Variants in NAV1 observed in about 807,000 individuals in gnomAD.
The protein encoded by NAV1 is pore membrane and/or filament interacting like protein 3.
A neutral mutation model predicts 175.2 loss-of-function variants in NAV1; 18 were observed. The observed-to-expected ratio is 0.10, with a 90% CI of 0.07 to 0.15. The LOEUF is 0.15. NAV1 is among the 10% of genes least tolerant of loss of function. The pLI is 1.00. For synonymous variants in NAV1, 897 were observed against 978.7 expected (o/e 0.92, Z 1.56); for missense variants, 1,731 against 2,436.6 (o/e 0.71, Z 6.10).
rs748421605 is a variant in NAV1, at chr1:201,782,663, G to A, written c.2151G>A (p.Glu717=). Reference sequence around the variant, plus strand: ...GCCTTACGCCTTCCAGACTGAAGGAGCCTACCAAGGTAGCCAGTGGGCGGA... The same window carrying A: ...GCCTTACGCCTTCCAGACTGAAGGAACCTACCAAGGTAGCCAGTGGGCGGA... The change falls in exon 6 of 30, where the codon GAG becomes GAA. Residue 717 remains glutamate (E), a synonymous_variant. Transcript: ENST00000367296. The surrounding 1 kb of genome is among the most constrained non-coding windows in gnomAD (Gnocchi z 5.4). The A allele has an allele frequency of 6.2e-7, 1 of 1,614,154 alleles. No individual in the cohort carries two copies. The highest frequency in any genetic ancestry group is 1.7e-5 in the Admixed American group (1 of 60,018).
At chr1:201,715,160 T>C (rs897435823) in intron 2 of NAV1, among the ~76,000 whole-genome samples, 21 of 144,824 alleles carry the variant, frequency 1.5e-4, no homozygotes, top group Non-Finnish European at 3.0e-4. Context: ...TGACTTTTTA[T>C]GGCTCTTTTT....
At chr1:201,651,749 G>A (rs576221601) in intron 1 of NAV1, among the ~76,000 whole-genome samples, 6 of 152,180 alleles carry the variant, frequency 3.9e-5, no homozygotes, top group African/African-American at 1.4e-4. Flanking sequence ...TGGGCCACCA[G>A]AACTGCCTCG....
intron 3 of NAV1, among the ~76,000 whole-genome samples, chr1:201,720,678 C>G (rs1397421620): frequency 2.0e-5 from 3 of 152,250 alleles, no homozygotes; most frequent in Non-Finnish European, 4.4e-5. Context: ...ATGCAGATAA[C>G]AGTAGAACTT....
chr1:201,654,977 C>T (rs1023606397), intron 1 of NAV1, among the ~76,000 whole-genome samples: 2 of 152,202 alleles, frequency 1.3e-5, no homozygotes, highest in African/African-American at 4.8e-5. Flanking sequence ...AGCTAGCCTG[C>T]GTTTCCCAGG....
intron 3 of NAV1, among the ~76,000 whole-genome samples, chr1:201,747,584 C>T (rs1047406003): frequency 6.6e-6 from 1 of 152,050 alleles, no homozygotes; most frequent in Non-Finnish European, 1.5e-5. Flanking sequence ...AGACCCTGCT[C>T]CTATTTATTC....
chr1:201,737,688 CCT>C (rs1452904435), intron 3 of NAV1, among the ~76,000 whole-genome samples: 1 of 152,134 alleles, frequency 6.6e-6, no homozygotes, highest in Admixed American at 6.5e-5. Flanking sequence ...CAAGTAAACC[CCT>C]GTGCCTACCC....
At chr1:201,620,334 A>G (rs1378964877), upstream of NAV1, among the ~76,000 whole-genome samples, 1 of 152,130 alleles carries the variant, frequency 6.6e-6, no homozygotes, top group Non-Finnish European at 1.5e-5. Flanking sequence ...TCACCCTTTG[A>G]GAATCAAACT....
chr1:201,615,602 A>C (rs1470754541), intron 2 of NAV1, among the ~76,000 whole-genome samples: 1 of 152,136 alleles, frequency 6.6e-6, no homozygotes, highest in Non-Finnish European at 1.5e-5. Flanking sequence ...TGTGCCAGTC[A>C]CCAAGCTAGG....
intron 2 of NAV1, among the ~76,000 whole-genome samples, chr1:201,632,704 C>G (rs964490692): frequency 1.3e-5 from 2 of 152,230 alleles, no homozygotes; most frequent in Admixed American, 6.5e-5. Context: ...TACGTGTTAT[C>G]AGGAAAAAGC....
chr1:201,786,342 C>A, intron 8 of NAV1, 87 bp from the exon 13 acceptor site: 1 of 1,343,124 alleles, frequency 7.4e-7, no homozygotes, highest in South Asian at 1.4e-5. Flanking sequence ...CTCCTGGCTC[C>A]AGCCTAGTTC....
At position 201,782,262 on chromosome 1, in the gene NAV1, G is replaced by A; in HGVS notation, c.1750G>A (p.Asp584Asn). Residue 584 changes from aspartate (D) to asparagine (N), a missense_variant, in exon 6 of 30, where the codon GAC (aspartate) becomes AAC (asparagine). Asp to Asn is a conservative substitution (Grantham distance 23). Coordinates refer to ENST00000367296, the Ensembl canonical transcript of NAV1. The surrounding 1 kb of genome is among the most constrained non-coding windows in gnomAD (Gnocchi z 5.4). ...ACGCTCCTCCTCTGATGCTGGTCGG[G>A]ACCGCCTGAGTGATGCTAAGAAGCC... 1 of 1,614,188 alleles carries A rather than the reference G, an allele frequency of 6.2e-7. No individual in the cohort carries two copies. The highest frequency in any genetic ancestry group is 8.5e-7 in the Non-Finnish European group (1 of 1,180,026).
chr1:201,809,097 T>C, intron 20 of NAV1, 67 bp from the exon 25 acceptor site: 1 of 1,504,714 alleles, frequency 6.6e-7, no homozygotes, highest in Non-Finnish European at 9.2e-7. Context: ...GAAAGGATAA[T>C]GATGGGAAAG....
chr1:201,773,132 C>G (rs981674547), intron 3 of NAV1, among the ~76,000 whole-genome samples: 1 of 152,108 alleles, frequency 6.6e-6, no homozygotes, highest in Admixed American at 6.5e-5. Flanking sequence ...CTCAGGTAGT[C>G]TGGCTCCAAC....
chr1:201,741,233 C>T (rs1673399826), intron 3 of NAV1, among the ~76,000 whole-genome samples: 2 of 152,314 alleles, frequency 1.3e-5, no homozygotes, highest in African/African-American at 4.8e-5. Flanking sequence ...TCCTGCCCTG[C>T]AAGACCATGG....
chr1:201,652,514 C>G (rs561103902), intron 1 of NAV1, among the ~76,000 whole-genome samples: 3 of 152,164 alleles, frequency 2.0e-5, no homozygotes, highest in African/African-American at 7.2e-5. Flanking sequence ...GACCCTGGCC[C>G]GATACTCACA....
chr1:201,604,700 AGAAAGAAAGAGAAAG>A (rs1236558419), intron 2 of NAV1, among the ~76,000 whole-genome samples: 22 of 149,852 alleles, frequency 1.5e-4, no homozygotes, highest in Non-Finnish European at 2.4e-4. Context: ...AAAAAGAAGA[AGAAAGAAAGAGAAAG>A]GAAAGAAAGA....
chr1:201,692,114 A>T (rs1419400008), intron 1 of NAV1, among the ~76,000 whole-genome samples: 4 of 151,768 alleles, frequency 2.6e-5, no homozygotes, highest in Admixed American at 6.6e-5. Context: ...CTGCTGTCTC[A>T]CCCGTTATTC....
intron 2 of NAV1, among the ~76,000 whole-genome samples, chr1:201,616,637 G>A (rs1411248774): frequency 2.0e-5 from 3 of 152,110 alleles, no homozygotes; most frequent in East Asian, 1.9e-4. Flanking sequence ...ACAGGCATGC[G>A]CCACCACGCC....
intron 2 of NAV1, among the ~76,000 whole-genome samples, chr1:201,615,263 C>CTTTTTTTTTTTTTTTTTTTTT (rs1256633287): frequency 6.9e-6 from 1 of 145,024 alleles, no homozygotes. Context: ...TTCTTTCTTT[C>CTTTTTTTTTTTTTTTTTTTTT]TTTCTTTTTT....
Sources: allele counts gnomAD v4.1 joint callset (sites outside exome capture counted in the v4.1 genomes callset), GRCh38; gene constraint gnomAD v4.1.1; non-coding constraint Gnocchi (gnomAD v3.1); transcripts MANE v1.5; gene names NCBI Gene and HGNC (gene_info 2026-07-23, HGNC 2026-07-21).